Variants in SGCZ observed in about 807,000 individuals in gnomAD.
The protein encoded by SGCZ is sarcoglycan zeta.
Under a neutral mutation model 41.3 loss-of-function variants are expected in SGCZ, and 40 were observed. That is an observed-to-expected ratio of 0.97 (90% CI 0.75 to 1.26). The LOEUF (loss-of-function observed/expected upper bound fraction) is 1.26. Among genes scored for constraint, SGCZ ranks in the 50% most tolerant of loss-of-function variants. The probability of loss-of-function intolerance (pLI) is 0.00; values close to 1 mark genes in which losing one functional copy is unlikely to be tolerated. For synonymous variants in SGCZ, 206 were observed against 137.5 expected (o/e 1.50, Z -3.49); for missense variants, 552 against 369.8 (o/e 1.49, Z -4.04).
chr8:14,832,749 A>G (rs539045414), intron 1 of SGCZ, among the ~76,000 whole-genome samples: 2 of 152,258 alleles, frequency 1.3e-5, no homozygotes, highest in Admixed American at 1.3e-4. Flanking sequence ...GTGCTTTCCT[A>G]TGAATATTAG....
chr8:14,181,931 C>G (rs1188079607), intron 4 of SGCZ, among the ~76,000 whole-genome samples: 1 of 152,176 alleles, frequency 6.6e-6, no homozygotes, highest in Non-Finnish European at 1.5e-5. Flanking sequence ...TTTGTTAACT[C>G]AGAGCCATGA....
intron 2 of SGCZ, among the ~76,000 whole-genome samples, chr8:14,543,834 A>T (rs1425828188): frequency 6.6e-6 from 1 of 152,178 alleles, no homozygotes; most frequent in East Asian, 1.9e-4. Context: ...CTGAGTTCAA[A>T]TTCTGTTTGA....
At chr8:14,726,883 T>C (rs1307909865) in intron 1 of SGCZ, among the ~76,000 whole-genome samples, 1 of 152,006 alleles carries the variant, frequency 6.6e-6, no homozygotes, top group East Asian at 1.9e-4. Context: ...ATAAATATTA[T>C]TCAACAAATA....
intron 1 of SGCZ, among the ~76,000 whole-genome samples, chr8:15,113,040 C>A (rs1398524041): frequency 1.3e-5 from 2 of 151,968 alleles, no homozygotes; most frequent in Non-Finnish European, 2.9e-5. Context: ...GAAAACCTGT[C>A]TCCACAAAAA....
intron 1 of SGCZ, among the ~76,000 whole-genome samples, chr8:14,792,946 T>C (rs1217763979): frequency 6.6e-6 from 1 of 152,192 alleles, no homozygotes; most frequent in East Asian, 1.9e-4. Flanking sequence ...TAAATTTATA[T>C]TTCTAACTCA....
At chr8:14,497,019 G>A (rs1344630930) in intron 2 of SGCZ, among the ~76,000 whole-genome samples, 1 of 152,114 alleles carries the variant, frequency 6.6e-6, no homozygotes, top group African/African-American at 2.4e-5. Flanking sequence ...CCCCTATGCA[G>A]TCTTGCAGTA....
At chr8:15,146,321 A>G (rs1158247843) in intron 1 of SGCZ, among the ~76,000 whole-genome samples, 1 of 152,238 alleles carries the variant, frequency 6.6e-6, no homozygotes, top group East Asian at 1.9e-4. Flanking sequence ...TGTTACGAAT[A>G]TAAGAGAGCT....
At chr8:14,996,729 C>A (rs1425590847) in intron 1 of SGCZ, among the ~76,000 whole-genome samples, 1 of 152,196 alleles carries the variant, frequency 6.6e-6, no homozygotes, top group Non-Finnish European at 1.5e-5. Context: ...TCTGGATCTC[C>A]TTCCAAGGTC....
chr8:14,480,332 C>T (rs930958464), intron 2 of SGCZ, among the ~76,000 whole-genome samples: 4 of 152,150 alleles, frequency 2.6e-5, no homozygotes, highest in South Asian at 2.1e-4. Flanking sequence ...AATATTTTTT[C>T]TCTTTTCTTC....
intron 1 of SGCZ, among the ~76,000 whole-genome samples, chr8:14,618,783 A>G (rs1806189943): frequency 6.6e-6 from 1 of 152,182 alleles, no homozygotes; most frequent in South Asian, 2.1e-4. Flanking sequence ...TGAACAGAGT[A>G]TATGTAATAA....
At chr8:14,854,716 T>C (rs888549342) in intron 1 of SGCZ, among the ~76,000 whole-genome samples, 19 of 152,154 alleles carry the variant, frequency 1.2e-4, no homozygotes, top group Admixed American at 2.0e-4. Context: ...TTTTGTTGGA[T>C]TATTTCAGGA....
chr8:14,161,836 C>CAT (rs1804055489), intron 5 of SGCZ, among the ~76,000 whole-genome samples: 1 of 151,882 alleles, frequency 6.6e-6, no homozygotes, highest in African/African-American at 2.4e-5. Flanking sequence ...CAGTGTGAAA[C>CAT]ACATATATGT....
At chr8:14,142,023 T>C (rs1461886452) in intron 5 of SGCZ, among the ~76,000 whole-genome samples, 10 of 152,150 alleles carry the variant, frequency 6.6e-5, no homozygotes. Flanking sequence ...TGTAGGCACA[T>C]GGATGAAGCT....
intron 1 of SGCZ, among the ~76,000 whole-genome samples, chr8:14,737,757 G>T (rs1799084902): frequency 6.6e-6 from 1 of 151,962 alleles, no homozygotes; most frequent in South Asian, 2.1e-4. Flanking sequence ...TCGAGCCTGT[G>T]CTAATGACCT....
intron 1 of SGCZ, among the ~76,000 whole-genome samples, chr8:14,954,024 A>T (rs1402867154): frequency 6.6e-6 from 1 of 152,194 alleles, no homozygotes; most frequent in Non-Finnish European, 1.5e-5. Context: ...CAGATAAAAC[A>T]GTCAATGTTG....
At chr8:14,415,859 G>A (rs999233498) in intron 2 of SGCZ, among the ~76,000 whole-genome samples, 5 of 151,944 alleles carry the variant, frequency 3.3e-5, no homozygotes, top group Non-Finnish European at 5.9e-5. Flanking sequence ...TGGCCAGTGT[G>A]GCTAAAAGAC....
intron 1 of SGCZ, among the ~76,000 whole-genome samples, chr8:15,053,132 G>A (rs776078200): frequency 5.9e-5 from 9 of 152,024 alleles, no homozygotes; most frequent in Non-Finnish European, 1.3e-4. Context: ...AATTCCAAGT[G>A]TCCTCTCTTT....
chr8:14,571,554 T>A (rs1453964342), intron 1 of SGCZ, among the ~76,000 whole-genome samples: 1 of 152,120 alleles, frequency 6.6e-6, no homozygotes, highest in African/African-American at 2.4e-5. Flanking sequence ...TTTTAGATAC[T>A]CTCAATGTAT....
chr8:14,761,195 T>C (rs922817689), intron 1 of SGCZ, among the ~76,000 whole-genome samples: 2 of 152,168 alleles, frequency 1.3e-5, no homozygotes, highest in African/African-American at 4.8e-5. Context: ...TTTGGTCAGA[T>C]GGAAAACGAG....
Sources: allele counts gnomAD v4.1 joint callset (sites outside exome capture counted in the v4.1 genomes callset), GRCh38; gene constraint gnomAD v4.1.1; transcripts MANE v1.5; gene names NCBI Gene and HGNC (gene_info 2026-07-23, HGNC 2026-07-21).